The following ATP13A5 variants were observed in gnomAD, a reference collection of about 807,000 sequenced individuals.
ATP13A5 encodes the protein ATPase 13A5.
In ATP13A5, 149 loss-of-function variants were observed where a neutral mutation model predicts 150.2. That is an observed-to-expected ratio of 0.99 (90% confidence interval 0.87 to 1.14). The LOEUF (loss-of-function observed/expected upper bound fraction) is 1.14. Among genes scored for constraint, ATP13A5 ranks in the 50% most tolerant of loss-of-function variants. The pLI is 0.00. For missense variants in ATP13A5, 1,383 were observed against 1,449.3 expected (o/e 0.95, Z 0.74); for synonymous variants, 497 against 522.2 (o/e 0.95, Z 0.66).
chr3:193,365,683 G>A (rs1236718883), intron 1 of ATP13A5, among the ~76,000 whole-genome samples: 1 of 152,068 alleles, frequency 6.6e-6, no homozygotes, highest in Non-Finnish European at 1.5e-5. Context: ...ATAGAAGCAG[G>A]ACAATTTGGA....
chr3:193,351,661 T>A (rs1042832067), intron 6 of ATP13A5, among the ~76,000 whole-genome samples: 2 of 152,210 alleles, frequency 1.3e-5, no homozygotes, highest in African/African-American at 4.8e-5. Context: ...TACTTTTTTA[T>A]TCAGGTCATT....
chr3:193,301,234 T>C lies in ATP13A5; in HGVS notation c.2752A>G (p.Ile918Val). The C allele has an allele frequency of 6.2e-7, 1 of 1,613,334 alleles. No individual in the cohort carries two copies. Among genetic ancestry groups the C allele is most frequent in the African/African-American group, 1.3e-5 (1 of 75,006 alleles). The stretch of plus-strand genomic sequence containing the variant: ...ACCCAATAGAGCAGTAATGCACTGA[T>C]AAACTGGATTATGCCGTACATGGTC... Reference protein sequence around the residue: ...YLTMYGIIQFISALLLYWQLQ... With the variant: ...YLTMYGIIQFVSALLLYWQLQ... Residue 918 changes from isoleucine (I) to valine (V), a missense_variant, in exon 24 of 30, where the codon ATC (isoleucine) becomes GTC (valine). Ile to Val is a conservative substitution (Grantham distance 29). Coordinates refer to ENST00000342358, the MANE Select transcript of ATP13A5 (RefSeq NM_198505.4).
At chr3:193,319,140 G>A (rs748934173) in intron 16 of ATP13A5, 32 bp from the exon 17 acceptor site, 26 of 1,544,626 alleles carry the variant, frequency 1.7e-5, no homozygotes, top group African/African-American at 2.7e-5. Flanking sequence ...GTAAGTGTAA[G>A]GTCATGTTGA....
At chr3:193,362,694 G>A (rs1031200337) in intron 3 of ATP13A5, 57 bp from the exon 4 acceptor site, 1 of 1,519,968 alleles carries the variant, frequency 6.6e-7, no homozygotes, top group Non-Finnish European at 9.1e-7. Context: ...CTCACTGGGA[G>A]AGGGAGTGGT....
At chr3:193,365,138 C>G (rs994754184) in intron 1 of ATP13A5, among the ~76,000 whole-genome samples, 1 of 152,078 alleles carries the variant, frequency 6.6e-6, no homozygotes, top group African/African-American at 2.4e-5. Context: ...AATATCTCTA[C>G]TATACTATTA....
chr3:193,355,856 C>G (rs556028049), intron 5 of ATP13A5, among the ~76,000 whole-genome samples: 1 of 152,296 alleles, frequency 6.6e-6, no homozygotes, highest in Admixed American at 6.5e-5. Flanking sequence ...TCCCTCTCTC[C>G]GCTTTGAATG....
chr3:193,327,017 GT>G lies in ATP13A5; in HGVS notation c.1501del (p.Thr501LeufsTer36). On this transcript the variant is annotated frameshift_variant, in exon 13 of 30. Coordinates refer to ENST00000342358, the MANE Select transcript of ATP13A5 (RefSeq NM_198505.4). LOFTEE classifies it high-confidence loss of function. ...CTACCAGTTGTCAGCAGTAGGGACA[GT>G]CCCCCAGAGGTCCAGCCCATCTTCA... ...LTEDGLDLWG[T>X]VPTADNCFQE... 6.2e-7 allele frequency: 1 copy of G among 1,613,488 alleles called. No homozygotes were observed. The highest frequency in any genetic ancestry group is 8.5e-7 in the Non-Finnish European group (1 of 1,179,840).
At chr3:193,278,857 C>T (rs950346340) in intron 28 of ATP13A5, among the ~76,000 whole-genome samples, 6 of 152,214 alleles carry the variant, frequency 3.9e-5, no homozygotes, top group Non-Finnish European at 7.4e-5. Flanking sequence ...TCTCACAATA[C>T]GGGGTCCAAG....
At chr3:193,314,570 T>A (rs557724027) in intron 18 of ATP13A5, among the ~76,000 whole-genome samples, 46 of 152,186 alleles carry the variant, frequency 3.0e-4, no homozygotes, top group African/African-American at 1.1e-3. Flanking sequence ...ACACACAGGG[T>A]CAGGCTGTGC....
At chr3:193,362,782 T>TTTC in intron 3 of ATP13A5, 145 bp from the exon 4 acceptor site, 1 of 523,304 alleles carries the variant, frequency 1.9e-6, no homozygotes, top group South Asian at 2.3e-5. Flanking sequence ...TCTTTCTTTC[T>TTTC]TTCTTTCTTT....
intron 27 of ATP13A5, 127 bp from the exon 28 acceptor site, chr3:193,279,581 C>A: frequency 1.5e-6 from 1 of 679,250 alleles, no homozygotes; most frequent in South Asian, 1.8e-5. Context: ...TTGATATATC[C>A]TCATATGTTT....
chr3:193,321,709 C>A lies in ATP13A5; in HGVS notation c.1887G>T (p.Met629Ile). ...TTTCAGATCTGCAGAACCTGGCCACCATTTCTGGGGCACCTTTCATGTAGA... is the reference window on the plus strand; with the variant it reads ...TTTCAGATCTGCAGAACCTGGCCACAATTTCTGGGGCACCTTTCATGTAGA... ...FHVYMKGAPE[M>I]VARFCRSETV... is the part of the protein sequence containing the mutation. The change falls in exon 16 of 30, where the codon ATG (methionine) becomes ATT (isoleucine). Residue 629 changes from methionine (M) to isoleucine (I), a missense_variant. By Grantham distance (10) the Met-to-Ile change is conservative. Around this residue, in one of 3 missense-constraint regions of ATP13A5, gnomAD observed 787 missense variants for 771.9 expected, o/e 1.02. Transcript: ENST00000342358. 1 of 1,614,150 alleles carries A rather than the reference C, an allele frequency of 6.2e-7. No individual in the cohort carries two copies. The highest frequency in any genetic ancestry group is 8.5e-7 in the Non-Finnish European group (1 of 1,180,002).
chr3:193,319,443 G>A (rs1474785302), intron 16 of ATP13A5, among the ~76,000 whole-genome samples: 3 of 152,170 alleles, frequency 2.0e-5, no homozygotes, highest in East Asian at 3.9e-4. Context: ...TGGAGCCCTC[G>A]TGAATGAGAT....
chr3:193,284,365 A>C (rs1717629498), intron 27 of ATP13A5, among the ~76,000 whole-genome samples: 1 of 152,186 alleles, frequency 6.6e-6, no homozygotes, highest in African/African-American at 2.4e-5. Flanking sequence ...AAGAGTTTTT[A>C]AAAAACTCTA....
chr3:193,323,561 G>T (rs1337893187), intron 14 of ATP13A5: 2 of 152,162 alleles, frequency 1.3e-5, no homozygotes, highest in African/African-American at 4.8e-5. Flanking sequence ...TGTAGTTAGG[G>T]CCAGGACCAA....
At chr3:193,349,725 A>T (rs556309257) in intron 7 of ATP13A5, among the ~76,000 whole-genome samples, 53 of 152,302 alleles carry the variant, frequency 3.5e-4, no homozygotes, top group African/African-American at 1.3e-3. Context: ...GTTAGATTTT[A>T]AAAATCGTAA....
rs964335108 is a variant in ATP13A5, at chr3:193,311,984, G to A, written c.2320-43C>T. The A allele has an allele frequency of 2.5e-6, 4 of 1,602,002 alleles. No individual in the cohort carries two copies. In the South Asian group the frequency reaches 4.5e-5, roughly 18 times the overall value. On this transcript the variant is annotated intron_variant, in intron 19 of 29. Coordinates refer to ENST00000342358, the MANE Select transcript of ATP13A5 (RefSeq NM_198505.4). ...TCATTTCTACATTGACTCCTAAGGA[G>A]TGTCTCTGCTTTCCTATGCGTTATT... is the stretch of plus-strand genomic sequence containing the variant.
chr3:193,312,016 A>G, intron 19 of ATP13A5, 75 bp from the exon 20 acceptor site: 1 of 1,560,616 alleles, frequency 6.4e-7, no homozygotes, highest in Non-Finnish European at 8.7e-7. Context: ...TATTGAAGGA[A>G]GAGTTTTCAT....
intron 23 of ATP13A5, among the ~76,000 whole-genome samples, chr3:193,304,475 G>T (rs1718532515): frequency 6.6e-6 from 1 of 152,166 alleles, no homozygotes; most frequent in Non-Finnish European, 1.5e-5. Flanking sequence ...TGCACCAAAG[G>T]ACATGCTGGG....
Sources: gnomAD v4.1 joint callset for allele counts (sites outside exome capture counted in the v4.1 genomes callset) on GRCh38, gnomAD v4.1.1 for gene constraint, gnomAD v4.1.1 regional missense constraint, MANE v1.5 for transcripts, NCBI Gene and HGNC (gene_info 2026-07-23, HGNC 2026-07-21) for gene names.